Variants in MCM8 observed in about 807,000 individuals in gnomAD.
The protein encoded by MCM8 is minichromosome maintenance 8 homologous recombination repair factor, also known as DNA helicase MCM8.
A neutral mutation model predicts 98.9 loss-of-function variants in MCM8; 85 were observed. The ratio of observed to expected loss-of-function variants is 0.86; its 90% CI spans 0.72 to 1.03. MCM8 has a LOEUF of 1.03. Ranked by LOEUF, MCM8 falls within the 50% of genes least tolerant of loss-of-function variation. The pLI, the probability that MCM8 is intolerant of heterozygous loss-of-function variation, is 0.00. For synonymous variants in MCM8, 352 were observed against 338.6 expected, an observed-to-expected ratio of 1.04 and a Z score of -0.44; for missense variants, 951 against 997.8, an observed-to-expected ratio of 0.95 and a Z score of 0.63.
Position 5,955,197 on chromosome 20 carries a change from A to T in MCM8, c.432A>T (p.Glu144Asp). The T allele has an allele frequency of 1.2e-6, 2 of 1,614,008 alleles. No homozygotes were observed. Among genetic ancestry groups the T allele is most frequent in the Non-Finnish European group, 8.5e-7 (1 of 1,179,942 alleles). Residue 144 changes from glutamate to aspartate, a missense_variant, in exon 5 of 19, where the codon GAA (glutamate) becomes GAT (aspartate). Glu to Asp is a conservative substitution (Grantham distance 45). Coordinates refer to ENST00000610722, the MANE Select transcript of MCM8 (RefSeq NM_032485.6). ...VTNLIPDIAT[E>D]LRDAPEKTLA... Reference sequence around the variant, plus strand: ...ACTTGATACCAGATATAGCAACTGAACTAAGAGATGCACCTGAGAAAACCT... The same window carrying T: ...ACTTGATACCAGATATAGCAACTGATCTAAGAGATGCACCTGAGAAAACCT...
intron 5 of MCM8, 111 bp downstream of exon 5, chr20:5,955,362 A>G (rs899700470): frequency 2.5e-5 from 25 of 1,014,510 alleles, no homozygotes; most frequent in Non-Finnish European, 3.3e-5. Context: ...TACTTTCTAT[A>G]AGAGATACTT....
At chr20:5,962,352 C>CTTTTTTTTTTTTTT (rs926577182) in intron 7 of MCM8, among the ~76,000 whole-genome samples, 1 of 40,580 alleles carries the variant, frequency 2.5e-5, no homozygotes, top group Non-Finnish European at 3.5e-5. Flanking sequence ...GCCTTCATTT[C>CTTTTTTTTTTTTTT]TTTTTTTTTT....
rs531828143 is a variant in MCM8, at chr20:5,987,705, A to G, written c.2240+347A>G. ...GGTTTTGAATTTTAACAATATATCC[A>G]GAGATCTTTTTTTATTAGAGACTCT... is the stretch of plus-strand genomic sequence containing the variant. On this transcript the variant is annotated intron_variant, in intron 17 of 18. Coordinates refer to ENST00000610722, the MANE Select transcript of MCM8 (RefSeq NM_032485.6). 7.2e-5 allele frequency among the ~76,000 whole-genome samples: 11 copies of G among 152,198 alleles called. No individual in the cohort carries two copies. The South Asian group carries it at 1.4e-3, about 20-fold the overall frequency.
chr20:5,998,790 A>G lies in MCM8; in HGVS notation c.*4399A>G, dbSNP rs909469695. ...ATTATAAGGCAATATTAATTCACAA[A>G]ACTACCTACTCGTTTTATTTAACCC... On this transcript the variant is annotated 3_prime_UTR_variant, in exon 19 of 19. Coordinates refer to ENST00000610722, the MANE Select transcript of MCM8 (RefSeq NM_032485.6). 5.9e-5 allele frequency: 9 copies of G among 152,228 alleles called. No homozygotes were observed. The highest frequency in any genetic ancestry group is 1.9e-4 in the African/African-American group (8 of 41,466). The allele number at this position is 152,228 out of a possible 1,614,324, so 9.4% of individuals were successfully genotyped here.
rs759704054 is a variant in MCM8, at chr20:5,983,118, A to G, written c.1686A>G (p.Pro562=). Reference sequence around the variant, plus strand: ...CTTCCATTATTGCTGCTGCAAATCCAGTTGGAGGACATTACAATAAAGCCA... The same window carrying G: ...CTTCCATTATTGCTGCTGCAAATCCGGTTGGAGGACATTACAATAAAGCCA... The part of the protein sequence containing the change: ...ARTSIIAAAN[P]VGGHYNKAKT... The change falls in exon 14 of 19, where the codon CCA becomes CCG. Residue 562 remains proline (P), a synonymous_variant. Transcript: ENST00000610722. 1.2e-6 allele frequency: 2 copies of G among 1,614,100 alleles called. No homozygotes were observed. Among genetic ancestry groups the G allele is most frequent in the Non-Finnish European group, 1.7e-6 (2 of 1,180,014 alleles).
chr20:5,980,741 G>A (rs778607568), intron 13 of MCM8, among the ~76,000 whole-genome samples: 4 of 152,110 alleles, frequency 2.6e-5, no homozygotes, highest in South Asian at 2.1e-4. Flanking sequence ...GTGAGGTGGC[G>A]CATGCCTGTA....
chr20:5,997,046 G>A lies in MCM8; in HGVS notation c.*2655G>A, dbSNP rs1324598692. On this transcript the variant is annotated 3_prime_UTR_variant, in exon 19 of 19. Coordinates refer to ENST00000610722, the MANE Select transcript of MCM8 (RefSeq NM_032485.6). ...TGTGGCATGGCACGCCCTCTTGGGA[G>A]ATGAAAGTAATCTTCCATAGGCAAT... 6.6e-6 allele frequency: 1 copy of A among 152,378 alleles called. No homozygotes were observed. Among genetic ancestry groups the A allele is most frequent in the Non-Finnish European group, 1.5e-5 (1 of 68,154 alleles). The allele number at this position is 152,378 out of a possible 1,614,324, so 9.4% of individuals were successfully genotyped here.
In MCM8 at chr20:5,994,582, T is replaced by G. The variant is rs1600323850; in HGVS notation, c.*191T>G. 5.5e-6 allele frequency: 3 copies of G among 542,868 alleles called. No homozygotes were observed. Among genetic ancestry groups the G allele is most frequent in the Non-Finnish European group, 9.8e-6 (3 of 307,608 alleles). The allele number at this position is 542,868 out of a possible 1,614,324, so 33.6% of individuals were successfully genotyped here. On this transcript the variant is annotated 3_prime_UTR_variant, in exon 19 of 19. Transcript: ENST00000610722. ...AAAGTATTATAATAGGAAAAAAGCA[T>G]TAAATATAATAAACTAATTTAAGAA...
intron 12 of MCM8, among the ~76,000 whole-genome samples, chr20:5,976,358 C>T (rs1022570075): frequency 5.9e-5 from 9 of 152,092 alleles, no homozygotes; most frequent in African/African-American, 1.9e-4. Flanking sequence ...TATAGAGAAA[C>T]GCCACACTTT....
At chr20:5,960,019 T>C (rs1400431606) in intron 7 of MCM8, among the ~76,000 whole-genome samples, 1 of 152,206 alleles carries the variant, frequency 6.6e-6, no homozygotes, top group African/African-American at 2.4e-5. Flanking sequence ...CAAATTACTT[T>C]CCAGAGTATT....
chr20:5,951,094 TTTTACTC>T (rs965412578), intron 1 of MCM8, 71 bp downstream of exon 1: 10 of 152,230 alleles, frequency 6.6e-5, no homozygotes, highest in African/African-American at 2.4e-4. Context: ...AACTGTTTCT[TTTTACTC>T]TTTCTCCAGT....
At chr20:5,956,466 C>A in intron 5 of MCM8, among the ~76,000 whole-genome samples, 1 of 151,956 alleles carries the variant, frequency 6.6e-6, no homozygotes, top group East Asian at 1.9e-4. Flanking sequence ...GCTCTTGTTG[C>A]CCAGGCTGGA....
chr20:5,965,607 GTTGGTTTTTACCCC>G (rs2089258607), intron 8 of MCM8: 1 of 152,040 alleles, frequency 6.6e-6, no homozygotes, highest in Non-Finnish European at 1.5e-5. Flanking sequence ...GTTTTGTTTT[GTTGGTTTTTACCCC>G]TTAAATGAAA....
rs553913098 is a variant in MCM8 at position 5,957,302 on chromosome 20, T to C, written c.590+73T>C. On this transcript the variant is annotated intron_variant, in intron 6 of 18. Transcript: ENST00000610722. The stretch of plus-strand genomic sequence containing the variant: ...GGCCATTTAAGAATGAAAACGCTCA[T>C]TTTATAAAAATGAGGAAATCAGTAA... 8.0e-6 allele frequency: 9 copies of C among 1,120,654 alleles called. No individual in the cohort carries two copies. The Admixed American group carries it at 2.0e-4, about 24-fold the overall frequency. 69.4% of individuals were successfully genotyped at this position (1,120,654 alleles called of 1,614,324 possible).
At chr20:5,975,528 G>A (rs1333016973) in intron 12 of MCM8, among the ~76,000 whole-genome samples, 10 of 136,642 alleles carry the variant, frequency 7.3e-5, no homozygotes, top group African/African-American at 2.5e-4. Flanking sequence ...TCGGAGTCTC[G>A]CTCTGCCGCC....
rs35939975 is a variant in MCM8, at chr20:5,996,279, G to GAA, written c.*1901_*1902dup. 6,936 of 119,504 alleles carry GAA rather than the reference G, an allele frequency of 0.058. 370 individuals are homozygous for GAA. The highest frequency in any genetic ancestry group is 0.14 in the South Asian group (538 of 3,896). The allele number at this position is 119,504 out of a possible 1,614,324, so 7.4% of individuals were successfully genotyped here. On this transcript the variant is annotated 3_prime_UTR_variant, in exon 19 of 19. Transcript: ENST00000610722. ...AGAGAGCAAGACCTTGTCTCTTAAA[G>GAA]AAAAAAAAAAAAAATGGAGAAAGTA...
intron 10 of MCM8, 70 bp from the exon 11 acceptor site, chr20:5,971,937 T>C: frequency 7.3e-7 from 1 of 1,364,622 alleles, no homozygotes; most frequent in Non-Finnish European, 1.0e-6. Flanking sequence ...TTAAACAAAT[T>C]GTAGAGGAGA....
In MCM8 at chr20:5,967,969, C is replaced by A; in HGVS notation, c.1167C>A (p.Asp389Glu). Residue 389 changes from aspartate (D) to glutamate (E), a missense_variant, in exon 10 of 19, where the codon GAC becomes GAA. Asp to Glu is a conservative substitution (Grantham distance 45). Coordinates refer to ENST00000610722, the MANE Select transcript of MCM8 (RefSeq NM_032485.6). ...HGMLMEFSLK[D>E]LYAIQEIQAE... ...TGTTGATGGAGTTCTCACTTAAAGA[C>A]CTTTATGCCATCCAAGAGATTCAAG... 1.9e-6 allele frequency: 3 copies of A among 1,613,864 alleles called. No individual in the cohort carries two copies. The highest frequency in any genetic ancestry group is 2.5e-6 in the Non-Finnish European group (3 of 1,179,934).
In MCM8 at chr20:5,994,925, A is replaced by G. The variant is rs2089934574; in HGVS notation, c.*534A>G. 1 of 175,302 alleles carries G rather than the reference A, an allele frequency of 5.7e-6. No homozygotes were observed. The allele number at this position is 175,302 out of a possible 1,614,324, so 10.9% of individuals were successfully genotyped here. On this transcript the variant is annotated 3_prime_UTR_variant, in exon 19 of 19. Coordinates refer to ENST00000610722, the MANE Select transcript of MCM8 (RefSeq NM_032485.6). ...AACTCTTGACTCAAAAAAATAAAAA[A>G]AATTGTAGTGGTAGCCATGTGTTAA...
Sources: allele counts gnomAD v4.1 joint callset (sites outside exome capture counted in the v4.1 genomes callset), GRCh38; gene constraint gnomAD v4.1.1; transcripts MANE v1.5; gene names NCBI Gene and HGNC (gene_info 2026-07-23, HGNC 2026-07-21).